CRISPLD2: variants seen among roughly 807,000 people sequenced by gnomAD.
CRISPLD2 encodes the protein cysteine rich secretory protein LCCL domain containing 2.
CRISPLD2 carries 47 observed loss-of-function variants against 71.1 expected under a neutral mutation model. That is an observed-to-expected ratio of 0.66 (90% CI 0.52 to 0.84). The LOEUF is 0.84. Among genes scored for constraint, CRISPLD2 ranks in the 40% least tolerant of loss-of-function variants. The pLI, the probability that CRISPLD2 is intolerant of heterozygous loss-of-function variation, is 0.00. For synonymous variants in CRISPLD2, 317 were observed against 250.1 expected (o/e 1.27, Z -2.52); for missense variants, 830 against 651.1 (o/e 1.27, Z -2.99).
chr16:84,904,945 A>G (rs2071788406), intron 14 of CRISPLD2, among the ~76,000 whole-genome samples: 1 of 152,228 alleles, frequency 6.6e-6, no homozygotes, highest in Non-Finnish European at 1.5e-5. Context: ...AAACAAATTG[A>G]TAAATTGTAT....
intron 2 of CRISPLD2, chr16:84,842,119 C>T (rs1432639516): frequency 1.3e-5 from 2 of 152,650 alleles, no homozygotes; most frequent in Non-Finnish European, 2.9e-5. Context: ...AAGCTCTGGA[C>T]ACACCGCACC....
chr16:84,884,198 G>T (rs916561188), intron 13 of CRISPLD2, among the ~76,000 whole-genome samples: 1 of 152,158 alleles, frequency 6.6e-6, no homozygotes, highest in African/African-American at 2.4e-5. Context: ...CACCCTAGGT[G>T]GGACAGTGGA....
intron 2 of CRISPLD2, among the ~76,000 whole-genome samples, chr16:84,845,400 G>A (rs370591796): frequency 2.0e-5 from 3 of 152,176 alleles, no homozygotes; most frequent in African/African-American, 7.2e-5. Context: ...AGAGGAGACT[G>A]GGGTCATCGG....
chr16:84,877,671 G>T (rs1456424581), intron 12 of CRISPLD2, among the ~76,000 whole-genome samples, 161 bp downstream of exon 12: 1 of 151,814 alleles, frequency 6.6e-6, no homozygotes, highest in African/African-American at 2.4e-5. Flanking sequence ...CCAACATGGT[G>T]AAACCCCATT....
chr16:84,850,864 C>A (rs1007703612), intron 5 of CRISPLD2, among the ~76,000 whole-genome samples, 181 bp downstream of exon 5: 2 of 152,156 alleles, frequency 1.3e-5, no homozygotes, highest in Non-Finnish European at 1.5e-5. Flanking sequence ...GACTCGGGTT[C>A]TTTCCGTCTT....
intron 14 of CRISPLD2, among the ~76,000 whole-genome samples, chr16:84,897,959 T>G (rs1037442533): frequency 1.3e-5 from 2 of 152,240 alleles, no homozygotes; most frequent in African/African-American, 4.8e-5. Context: ...TAGTATTGTT[T>G]TGTTAATCGG....
intron 1 of CRISPLD2, among the ~76,000 whole-genome samples, chr16:84,826,200 G>A (rs1916348387): frequency 2.6e-5 from 4 of 152,218 alleles, no homozygotes; most frequent in Admixed American, 2.6e-4. Flanking sequence ...TCTGGTTATA[G>A]GGCCTGGTGT....
At chr16:84,845,477 G>A (rs186552866) in intron 2 of CRISPLD2, among the ~76,000 whole-genome samples, 23 of 152,308 alleles carry the variant, frequency 1.5e-4, no homozygotes, top group Admixed American at 7.2e-4. Flanking sequence ...TCCACACAGC[G>A]TGCCGTGTTA....
intron 3 of CRISPLD2, among the ~76,000 whole-genome samples, chr16:84,846,318 TCTCGGCTCACTGCAAC>T (rs1916913763): frequency 7.1e-6 from 1 of 141,160 alleles, no homozygotes; most frequent in South Asian, 2.6e-4. Context: ...AGTGGCGCAA[TCTCGGCTCACTGCAAC>T]CTCTGTCTCC....
intron 13 of CRISPLD2, among the ~76,000 whole-genome samples, chr16:84,888,288 C>T (rs1176318531): frequency 6.6e-6 from 1 of 152,236 alleles, no homozygotes; most frequent in Non-Finnish European, 1.5e-5. Flanking sequence ...CATCCCAGCA[C>T]TTTGAGAGGC....
chr16:84,847,623 C>T (rs1197375286), intron 3 of CRISPLD2, among the ~76,000 whole-genome samples: 3 of 151,688 alleles, frequency 2.0e-5, no homozygotes, highest in Non-Finnish European at 2.9e-5. Context: ...TGTACTCCAG[C>T]CTGGGTGACA....
chr16:84,882,347 C>CAAAAAAAAAAAAAAAAA (rs80146835), intron 13 of CRISPLD2, among the ~76,000 whole-genome samples: 15 of 77,462 alleles, frequency 1.9e-4, no homozygotes, highest in Non-Finnish European at 3.3e-4. Flanking sequence ...ACCAATAAAG[C>CAAAAAAAAAAAAAAAAA]AAAAAAAAAA....
At chr16:84,848,638 G>A (rs1449417996) in intron 3 of CRISPLD2, among the ~76,000 whole-genome samples, 5 of 152,086 alleles carry the variant, frequency 3.3e-5, no homozygotes, top group East Asian at 1.9e-4. Context: ...ACGGGGTTTC[G>A]CCATGTCGGC....
intron 14 of CRISPLD2, among the ~76,000 whole-genome samples, chr16:84,904,198 G>A (rs1466144590): frequency 1.3e-5 from 2 of 152,196 alleles, no homozygotes; most frequent in Non-Finnish European, 2.9e-5. Flanking sequence ...CAAAGCGGGA[G>A]GGGGCACTTA....
intron 13 of CRISPLD2, among the ~76,000 whole-genome samples, chr16:84,887,598 C>A (rs534889239): frequency 6.6e-6 from 1 of 152,218 alleles, no homozygotes; most frequent in African/African-American, 2.4e-5. Flanking sequence ...GAAGTCAGGC[C>A]GGGCGCGGCG....
At chr16:84,857,477 C>G (rs968215923) in intron 6 of CRISPLD2, among the ~76,000 whole-genome samples, 2 of 152,196 alleles carry the variant, frequency 1.3e-5, no homozygotes, top group African/African-American at 4.8e-5. Context: ...AGTCCCTGAC[C>G]ATCCAGCCAA....
At chr16:84,840,436 G>C (rs933368763) in intron 2 of CRISPLD2, among the ~76,000 whole-genome samples, 4 of 152,186 alleles carry the variant, frequency 2.6e-5, no homozygotes, top group African/African-American at 9.7e-5. Flanking sequence ...TGGTGAAGCT[G>C]GGATTCAAAG....
At chr16:84,849,052 G>C (rs957051050) in intron 3 of CRISPLD2, among the ~76,000 whole-genome samples, 1 of 151,890 alleles carries the variant, frequency 6.6e-6, no homozygotes, top group African/African-American at 2.4e-5. Context: ...ACGTGCAGGT[G>C]GTGTATGAGC....
chr16:84,827,071 G>A (rs1019007275), intron 1 of CRISPLD2, among the ~76,000 whole-genome samples: 5 of 151,948 alleles, frequency 3.3e-5, no homozygotes, highest in South Asian at 2.1e-4. Flanking sequence ...ACAAAGCGCC[G>A]TAGCCCCGGT....
Sources: allele counts gnomAD v4.1 joint callset (sites outside exome capture counted in the v4.1 genomes callset), GRCh38; gene constraint gnomAD v4.1.1; transcripts MANE v1.5; gene names NCBI Gene and HGNC (gene_info 2026-07-23, HGNC 2026-07-21).